UNC13B: variants seen among roughly 807,000 people sequenced by gnomAD.
UNC13B encodes protein unc-13 homolog B.
In UNC13B, 144 loss-of-function variants were observed where a neutral mutation model predicts 211.0. The observed-to-expected ratio is 0.68, with a 90% CI of 0.60 to 0.78. The LOEUF is 0.78. Ranked by LOEUF, UNC13B falls within the 30% of genes least tolerant of loss-of-function variation. The pLI, the probability that UNC13B is intolerant of heterozygous loss-of-function variation, is 0.00. For missense variants in UNC13B, 1,777 were observed against 2,002.0 expected, an observed-to-expected ratio of 0.89 and a Z score of 2.14; for synonymous variants, 709 against 725.8, an observed-to-expected ratio of 0.98 and a Z score of 0.37.
intron 22 of UNC13B, chr9:35,385,110 G>C: frequency 1.0e-6 from 1 of 985,466 alleles, no homozygotes; most frequent in Non-Finnish European, 1.2e-6. Flanking sequence ...TGTGAAGACA[G>C]GCTCAGCATC....
Position 35,302,275 on chromosome 9 carries a change from T to C in UNC13B, c.2871T>C (p.Cys957=). 2.5e-6 allele frequency: 1 copy of C among 398,660 alleles called. No individual in the cohort carries two copies. Among genetic ancestry groups the C allele is most frequent in the East Asian group, 3.6e-5 (1 of 28,042 alleles). 24.7% of individuals were successfully genotyped at this position (398,660 alleles called of 1,614,324 possible). Reference sequence around the variant, plus strand: ...TTAAAAAGAATGACCAGATAAATTGTCCTGAAGATGCCAAACTTAATTCAA... The same window carrying C: ...TTAAAAAGAATGACCAGATAAATTGCCCTGAAGATGCCAAACTTAATTCAA... ...EEFKKNDQIN[C]PEDAKLNSIK... Residue 957 remains cysteine (C), a synonymous_variant, in exon 9 of 40, where the codon TGT becomes TGC. Coordinates refer to ENST00000635942, the MANE Select transcript of UNC13B (RefSeq NM_001371189.2).
At chr9:35,343,555 G>A (rs970466273) in intron 11 of UNC13B, among the ~76,000 whole-genome samples, 2 of 152,110 alleles carry the variant, frequency 1.3e-5, no homozygotes, top group Admixed American at 6.5e-5. Context: ...TTTGTTTTTT[G>A]TACCTTGAGG....
intron 1 of UNC13B, among the ~76,000 whole-genome samples, chr9:35,163,917 GAAAC>G (rs1478583279): frequency 1.3e-5 from 2 of 152,134 alleles, no homozygotes; most frequent in African/African-American, 4.8e-5. Flanking sequence ...TTTAAATACT[GAAAC>G]AAACAGGTAC....
intron 11 of UNC13B, chr9:35,362,127 T>G (rs1028952550): frequency 6.6e-6 from 1 of 152,210 alleles, no homozygotes; most frequent in African/African-American, 2.4e-5. Context: ...AGAGATCAGC[T>G]TGGAGTCTCC....
chr9:35,387,063 C>T (rs972945756), intron 24 of UNC13B, among the ~76,000 whole-genome samples: 13 of 152,180 alleles, frequency 8.5e-5, no homozygotes, highest in African/African-American at 2.7e-4. Context: ...GAGGAGAGCA[C>T]AGTGCTCCTT....
intron 13 of UNC13B, among the ~76,000 whole-genome samples, chr9:35,371,553 C>T (rs1834126057): frequency 6.6e-6 from 1 of 152,154 alleles, no homozygotes; most frequent in Non-Finnish European, 1.5e-5. Context: ...GATGCCATGT[C>T]TTCTTCAATA....
intron 1 of UNC13B, among the ~76,000 whole-genome samples, chr9:35,212,393 C>T (rs1824016882): frequency 6.6e-6 from 1 of 151,970 alleles, no homozygotes; most frequent in South Asian, 2.1e-4. Context: ...GCCAACATGG[C>T]GAAAACCTGT....
intron 6 of UNC13B, among the ~76,000 whole-genome samples, chr9:35,257,333 A>T (rs7854177): frequency 0.057 from 6,307 of 110,400 alleles, 254 homozygotes; most frequent in East Asian, 0.3. Context: ...AAAAATATTT[A>T]TATAAATATT....
chr9:35,203,191 C>T (rs2131384357), intron 1 of UNC13B, among the ~76,000 whole-genome samples: 1 of 152,234 alleles, frequency 6.6e-6, no homozygotes, highest in South Asian at 2.1e-4. Context: ...GAATTTGGTC[C>T]TGTCATTATG....
intron 20 of UNC13B, 41 bp downstream of exon 20, chr9:35,381,760 C>T: frequency 1.9e-6 from 3 of 1,600,940 alleles, no homozygotes; most frequent in Non-Finnish European, 2.6e-6. Flanking sequence ...CTACTAATCA[C>T]TGGGGTGGCT....
In UNC13B at chr9:35,189,335, A is replaced by G. The variant is rs555372344; in HGVS notation, c.22+27030A>G. ...GTGTGGAGCCTAGGACCCAGACAGA[A>G]GTGCAGATAAGGTCTGACCCTCTTC... On this transcript the variant is annotated intron_variant, in intron 1 of 39. Coordinates refer to ENST00000635942, the MANE Select transcript of UNC13B (RefSeq NM_001371189.2). Among the ~76,000 whole-genome samples, 5 of 152,292 alleles carry G rather than the reference A, an allele frequency of 3.3e-5. No individual in the cohort carries two copies. The East Asian group carries it at 9.6e-4, about 29-fold the overall frequency.
intron 1 of UNC13B, among the ~76,000 whole-genome samples, chr9:35,214,689 A>T (rs1824162294): frequency 6.6e-6 from 1 of 152,134 alleles, no homozygotes; most frequent in African/African-American, 2.4e-5. Flanking sequence ...AGAGGAGAGG[A>T]GAGGCAATAT....
At chr9:35,229,811 T>C (rs1425696079) in intron 2 of UNC13B, among the ~76,000 whole-genome samples, 2 of 152,218 alleles carry the variant, frequency 1.3e-5, no homozygotes, top group African/African-American at 4.8e-5. Context: ...TTTTAAATGA[T>C]ATTTAAAAGA....
intron 11 of UNC13B, among the ~76,000 whole-genome samples, chr9:35,320,040 A>G (rs1830661907): frequency 6.6e-6 from 1 of 152,136 alleles, no homozygotes; most frequent in Non-Finnish European, 1.5e-5. Flanking sequence ...ATGGCCTCCA[A>G]CTGCATCCAT....
chr9:35,351,746 C>T (rs1375152959), intron 11 of UNC13B: 5 of 1,232,156 alleles, frequency 4.1e-6, no homozygotes, highest in Non-Finnish European at 5.1e-6. Context: ...CCTGGCCCAG[C>T]TTTGCAGCTT....
chr9:35,345,209 G>A (rs1345937991), intron 11 of UNC13B, among the ~76,000 whole-genome samples: 3 of 152,234 alleles, frequency 2.0e-5, no homozygotes, highest in African/African-American at 7.2e-5. Context: ...AAATTATTTT[G>A]ACACTTGTTA....
At chr9:35,205,962 T>C (rs1289208104) in intron 1 of UNC13B, among the ~76,000 whole-genome samples, 2 of 152,058 alleles carry the variant, frequency 1.3e-5, no homozygotes, top group Non-Finnish European at 2.9e-5. Context: ...GGTGGATGGA[T>C]TGCTTGAGCC....
At chr9:35,330,558 C>A (rs1831313845) in intron 11 of UNC13B, among the ~76,000 whole-genome samples, 1 of 152,198 alleles carries the variant, frequency 6.6e-6, no homozygotes, top group African/African-American at 2.4e-5. Context: ...TCTCTGGGAC[C>A]ACCAAAGAAG....
Position 35,380,543 on chromosome 9 carries a change from A to G in UNC13B, c.10279A>G (p.Lys3427Glu), listed in dbSNP as rs1204344955. 1 of 1,614,218 alleles carries G rather than the reference A, an allele frequency of 6.2e-7. No individual in the cohort carries two copies. The highest frequency in any genetic ancestry group is 1.7e-5 in the Admixed American group (1 of 60,022). The change falls in exon 18 of 40, where the codon AAG becomes GAG. Residue 3427 changes from lysine to glutamate, a missense_variant. Physicochemically the swap from Lys to Glu is moderately conservative, Grantham distance 56. Transcript: ENST00000635942. ...DEDDDIKSRVKQRLKRESDDF... is the reference protein window; with the variant it reads ...DEDDDIKSRVEQRLKRESDDF... ...GGATGATGACATCAAGTCAAGAGTA[A>G]AGCAACGCCTAAAGCGAGAGTCTGA... is the stretch of plus-strand genomic sequence containing the variant.
Sources: gnomAD v4.1 joint callset for allele counts (sites outside exome capture counted in the v4.1 genomes callset) on GRCh38, gnomAD v4.1.1 for gene constraint, MANE v1.5 for transcripts, NCBI Gene and HGNC (gene_info 2026-07-23, HGNC 2026-07-21) for gene names.